The following BIRC6 variants were observed in gnomAD, a reference collection of about 807,000 sequenced individuals.
BIRC6 encodes dual E2 ubiquitin-conjugating enzyme/E3 ubiquitin-protein ligase BIRC6.
BIRC6 carries 98 observed loss-of-function variants against 503.3 expected under a neutral mutation model. That is an observed-to-expected ratio of 0.19 (90% CI 0.17 to 0.23). The LOEUF (loss-of-function observed/expected upper bound fraction) is 0.23. BIRC6 is among the 10% of genes least tolerant of loss of function. The probability of loss-of-function intolerance (pLI) is 1.00; values close to 1 mark genes in which losing one functional copy is unlikely to be tolerated. For synonymous variants in BIRC6, 2,240 were observed against 2,078.7 expected (o/e 1.08, Z -2.11); for missense variants, 5,360 against 5,806.0 (o/e 0.92, Z 2.50).
At chr2:32,544,229 G>A (rs1308476740) in intron 62 of BIRC6, among the ~76,000 whole-genome samples, 1 of 152,150 alleles carries the variant, frequency 6.6e-6, no homozygotes, top group Non-Finnish European at 1.5e-5. Context: ...TTATTAAAAT[G>A]TGTTAAGATT....
intron 3 of BIRC6, among the ~76,000 whole-genome samples, chr2:32,382,019 A>G (rs1034270043): frequency 1.3e-5 from 2 of 152,190 alleles, no homozygotes; most frequent in African/African-American, 4.8e-5. Flanking sequence ...CTGTCCTATG[A>G]GTTTCAACAG....
intron 1 of BIRC6, among the ~76,000 whole-genome samples, chr2:32,362,281 T>C (rs1195728681): frequency 6.6e-6 from 1 of 152,128 alleles, no homozygotes; most frequent in East Asian, 1.9e-4. Flanking sequence ...TTTCATATGC[T>C]TATTTGTCTC....
chr2:32,561,479 A>AGGCCCACCTCGGCCCACC (rs2059180981), intron 65 of BIRC6, among the ~76,000 whole-genome samples: 2 of 151,720 alleles, frequency 1.3e-5, no homozygotes, highest in African/African-American at 2.4e-5. Context: ...ACCTCAAATG[A>AGGCCCACCTCGGCCCACC]TCTGCCCACC....
intron 73 of BIRC6, among the ~76,000 whole-genome samples, chr2:32,615,141 A>G (rs915578961): frequency 6.6e-6 from 1 of 152,134 alleles, no homozygotes; most frequent in African/African-American, 2.4e-5. Context: ...TAATTCACTC[A>G]CTATCTCAGG....
intron 66 of BIRC6, among the ~76,000 whole-genome samples, chr2:32,593,448 A>G (rs752713955): frequency 1.4e-4 from 21 of 152,192 alleles, no homozygotes; most frequent in Non-Finnish European, 2.5e-4. Context: ...AAAAGATCCA[A>G]TGTATAGAAA....
At chr2:32,579,083 TAAAG>T (rs1231803758) in intron 66 of BIRC6, among the ~76,000 whole-genome samples, 2 of 146,720 alleles carry the variant, frequency 1.4e-5, no homozygotes, top group Non-Finnish European at 3.0e-5. Context: ...ATATATTAGA[TAAAG>T]AAAATAGATT....
chr2:32,601,838 G>T (rs1033844571), intron 70 of BIRC6, among the ~76,000 whole-genome samples: 1 of 152,108 alleles, frequency 6.6e-6, no homozygotes. Context: ...ACCCTGGGAA[G>T]CCTGAATACT....
rs547054377 is a variant in BIRC6 at position 32,444,310 on chromosome 2, C to A, written c.4336+722C>A. Reference sequence around the variant, plus strand: ...AGAGAGGTGATGGATATCCTAAATACCCTGGTTTGATCATTGTGCATTGCA... The same window carrying A: ...AGAGAGGTGATGGATATCCTAAATAACCTGGTTTGATCATTGTGCATTGCA... On this transcript the variant is annotated intron_variant, in intron 20 of 73. Transcript: ENST00000421745. 2.6e-5 allele frequency among the ~76,000 whole-genome samples: 4 copies of A among 152,080 alleles called. No individual in the cohort carries two copies. In the South Asian group the frequency reaches 6.2e-4, roughly 24 times the overall value.
At chr2:32,461,384 T>TG (rs2047979648) in intron 23 of BIRC6, among the ~76,000 whole-genome samples, 1 of 112,460 alleles carries the variant, frequency 8.9e-6, no homozygotes, top group South Asian at 2.7e-4. Context: ...GTGTGTGTGT[T>TG]TAGTAGAGAC....
At position 32,586,384 on chromosome 2, in the gene BIRC6, GT is replaced by G. The variant is rs575009424; in HGVS notation, c.13356-7527del. On this transcript the variant is annotated intron_variant, in intron 66 of 73. Transcript: ENST00000421745. ...TATATGAGCTTTATGTTTCACGACA[GT>G]TTTCACTGTATTATCTCAGACAAAA... is the stretch of plus-strand genomic sequence containing the variant. Among the ~76,000 whole-genome samples, 627 of 132,038 alleles carry G rather than the reference GT, an allele frequency of 4.7e-3. 1 individual carries two copies. The highest frequency in any genetic ancestry group is 0.017 in the African/African-American group (602 of 35,308). 86.6% of individuals were successfully genotyped at this position (132,038 alleles called of 152,430 possible).
intron 73 of BIRC6, among the ~76,000 whole-genome samples, chr2:32,616,599 A>G (rs2063262521): frequency 6.6e-6 from 1 of 151,386 alleles, no homozygotes; most frequent in East Asian, 1.9e-4. Flanking sequence ...TAATGATACA[A>G]TTATTTCTAA....
In BIRC6 at chr2:32,377,615, A is replaced by G; in HGVS notation, c.353A>G (p.Gln118Arg). The change falls in exon 2 of 74, where the codon CAG becomes CGG. Residue 118 changes from glutamine to arginine, a missense_variant. Physicochemically the swap from Gln to Arg is conservative, Grantham distance 43. This residue lies in a region of BIRC6 where 47 missense variants were observed against 93.3 expected (regional missense o/e 0.50). Transcript: ENST00000421745. ...AAACCAGGTGGACAGGTGAAATGTC[A>G]GTATATCTCTGCTGTGGATAAAGTT... ...SAKPGGQVKC[Q>R]YISAVDKVIF... 1 of 1,610,934 alleles carries G rather than the reference A, an allele frequency of 6.2e-7. No individual in the cohort carries two copies.
intron 61 of BIRC6, among the ~76,000 whole-genome samples, chr2:32,540,400 A>G (rs886781435): frequency 2.0e-5 from 3 of 152,010 alleles, no homozygotes; most frequent in African/African-American, 7.2e-5. Context: ...ATTTAAAATA[A>G]TTTATTTGTG....
intron 57 of BIRC6, chr2:32,523,204 T>A (rs548959342): frequency 1.3e-5 from 2 of 150,880 alleles, no homozygotes; most frequent in East Asian, 1.9e-4. Context: ...GAGAAAAAAA[T>A]AAAACAGAAA....
intron 45 of BIRC6, among the ~76,000 whole-genome samples, chr2:32,494,097 CATGTT>C (rs1240112535): frequency 6.6e-6 from 1 of 152,062 alleles, no homozygotes; most frequent in Non-Finnish European, 1.5e-5. Context: ...AATCAGACTC[CATGTT>C]ATAAGAATAA....
intron 2 of BIRC6, 86 bp from the exon 3 acceptor site, chr2:32,380,067 A>G (rs2037400495): frequency 1.0e-6 from 1 of 958,820 alleles, no homozygotes; most frequent in Non-Finnish European, 1.5e-6. Flanking sequence ...GCATATTAAA[A>G]TATCTGAAAG....
intron 35 of BIRC6, 68 bp from the exon 36 acceptor site, chr2:32,478,567 C>A (rs1260173321): frequency 1.4e-6 from 2 of 1,385,382 alleles, no homozygotes; most frequent in African/African-American, 2.9e-5. Context: ...TATTGGTAGA[C>A]TTCTGTTAGT....
intron 70 of BIRC6, 87 bp downstream of exon 70, chr2:32,599,987 A>T: frequency 7.7e-7 from 1 of 1,298,480 alleles, no homozygotes; most frequent in Non-Finnish European, 1.1e-6. Context: ...TGTTTTAGTT[A>T]TCTGCTAAGA....
chr2:32,398,792 C>T (rs562562232), intron 6 of BIRC6, among the ~76,000 whole-genome samples: 132 of 151,676 alleles, frequency 8.7e-4, no homozygotes, highest in Non-Finnish European at 1.5e-3. Context: ...GAGAGAGAGA[C>T]GGAAAGGGGT....
Sources: allele counts gnomAD v4.1 joint callset (sites outside exome capture counted in the v4.1 genomes callset), GRCh38; gene constraint gnomAD v4.1.1; regional missense constraint gnomAD v4.1.1; transcripts MANE v1.5; gene names NCBI Gene and HGNC (gene_info 2026-07-23, HGNC 2026-07-21).